MARK3: variants seen among roughly 807,000 people sequenced by gnomAD.
MARK3 encodes the protein MAP/microtubule affinity-regulating kinase 3.
MARK3 carries 46 observed loss-of-function variants against 90.1 expected under a neutral mutation model. That is an observed-to-expected ratio of 0.51 (90% confidence interval 0.40 to 0.65). MARK3 has a LOEUF of 0.65. Among genes scored for constraint, MARK3 ranks in the 30% least tolerant of loss-of-function variants. The pLI is 0.00. For missense variants in MARK3, 818 were observed against 947.2 expected, an observed-to-expected ratio of 0.86 and a Z score of 1.79; for synonymous variants, 321 against 332.6, an observed-to-expected ratio of 0.97 and a Z score of 0.38.
intron 1 of MARK3, among the ~76,000 whole-genome samples, chr14:103,389,527 C>CAAAAAAAAA (rs2090068219): frequency 5.2e-5 from 1 of 19,370 alleles, no homozygotes; most frequent in Non-Finnish European, 1.1e-4. Flanking sequence ...GACTCTGTCT[C>CAAAAAAAAA]CAAAAAAAAA....
chr14:103,390,031 G>A (rs1045771371), intron 1 of MARK3, among the ~76,000 whole-genome samples: 11 of 150,082 alleles, frequency 7.3e-5, no homozygotes, highest in African/African-American at 2.5e-4. Flanking sequence ...GGCAGATCAC[G>A]AGGTCAGGAG....
Position 103,466,458 on chromosome 14 carries a change from C to T in MARK3, c.997+16C>T, listed in dbSNP as rs370643720. On this transcript the variant is annotated intron_variant, in intron 10 of 17. Coordinates refer to ENST00000429436, the MANE Select transcript of MARK3 (RefSeq NM_001128918.3). ...AAAAGAATAGGTAATCACTCCATGCCTGCATGTTCATGTGTTTTTGTCTAA... is the reference window on the plus strand; with the variant it reads ...AAAAGAATAGGTAATCACTCCATGCTTGCATGTTCATGTGTTTTTGTCTAA... The T allele has an allele frequency of 1.4e-4, 208 of 1,514,922 alleles. No individual in the cohort carries two copies. Among genetic ancestry groups the T allele is most frequent in the Non-Finnish European group, 3.0e-5 (33 of 1,096,774 alleles). The allele number at this position is 1,514,922 out of a possible 1,614,324, so 93.8% of individuals were successfully genotyped here. A position where few individuals can be genotyped will look rare whatever the true frequency, so the allele number is the denominator to read the frequency against.
chr14:103,491,056 C>A (rs749845419), intron 14 of MARK3: 3 of 1,288,148 alleles, frequency 2.3e-6, no homozygotes, highest in South Asian at 2.5e-5. Flanking sequence ...TCTGGGCACC[C>A]CAAGATGATG....
chr14:103,412,079 T>A (rs1465402251), intron 2 of MARK3: 3 of 569,268 alleles, frequency 5.3e-6, no homozygotes, highest in Non-Finnish European at 8.0e-6. Flanking sequence ...TTGTTTTTTG[T>A]TTTTTTTACT....
chr14:103,399,699 CAAAAAAAAAAAAAGAAA>C (rs1318266786), intron 1 of MARK3, among the ~76,000 whole-genome samples: 1 of 84,334 alleles, frequency 1.2e-5, no homozygotes, highest in Non-Finnish European at 2.4e-5. Flanking sequence ...GACTCCATCT[CAAAAAAAAAAAAAGAAA>C]AAAAAAAAAA....
chr14:103,417,035 A>C (rs2091973150), intron 2 of MARK3, among the ~76,000 whole-genome samples: 1 of 152,194 alleles, frequency 6.6e-6, no homozygotes, highest in Non-Finnish European at 1.5e-5. Context: ...GGCAGCCTTA[A>C]GGCTTCCCTG....
chr14:103,431,848 C>A (rs1018419276), intron 3 of MARK3, among the ~76,000 whole-genome samples: 3 of 152,124 alleles, frequency 2.0e-5, no homozygotes, highest in Admixed American at 2.0e-4. Flanking sequence ...ATAACCAGCC[C>A]TTAGAAGTTG....
Position 103,405,172 on chromosome 14 carries a change from C to G in MARK3, c.148C>G (p.Gln50Glu). 1 of 1,601,200 alleles carries G rather than the reference C, an allele frequency of 6.2e-7. No individual in the cohort carries two copies. The highest frequency in any genetic ancestry group is 8.5e-7 in the Non-Finnish European group (1 of 1,176,608). ...RNSIASCADEQPHIGNYRLLK... is the reference protein window; with the variant it reads ...RNSIASCADEEPHIGNYRLLK... ...CTCTATAGCCTCCTGTGCAGATGAA[C>G]AACCTCACATCGGAAACTACAGACT... The change falls in exon 2 of 18, where the codon CAA becomes GAA. Residue 50 changes from glutamine (Q) to glutamate (E), a missense_variant. Gln to Glu is a conservative substitution (Grantham distance 29). Transcript: ENST00000429436.
intron 1 of MARK3, among the ~76,000 whole-genome samples, chr14:103,397,922 C>G (rs1218586255): frequency 2.6e-5 from 4 of 152,168 alleles, no homozygotes; most frequent in Admixed American, 2.6e-4. Context: ...TATGTCATTA[C>G]TCTTACCCTC....
At chr14:103,399,555 C>T (rs532785308) in intron 1 of MARK3, among the ~76,000 whole-genome samples, 5 of 151,922 alleles carry the variant, frequency 3.3e-5, no homozygotes, top group South Asian at 4.2e-4. Flanking sequence ...AAAAATTAGC[C>T]GGGCACGGTG....
chr14:103,471,617 C>T (rs529663803), intron 12 of MARK3, among the ~76,000 whole-genome samples: 1 of 152,228 alleles, frequency 6.6e-6, no homozygotes, highest in South Asian at 2.1e-4. Context: ...TTCCCTTTTC[C>T]TTGCCTGTGG....
intron 14 of MARK3, chr14:103,491,159 A>G: frequency 8.4e-7 from 1 of 1,186,380 alleles, no homozygotes; most frequent in Admixed American, 2.7e-5. Context: ...ACTGCTTCTT[A>G]ATTTTGTGCT....
At chr14:103,456,609 A>G (rs1304814079) in intron 5 of MARK3, among the ~76,000 whole-genome samples, 3 of 152,140 alleles carry the variant, frequency 2.0e-5, no homozygotes, top group Non-Finnish European at 4.4e-5. Context: ...CTGATACACT[A>G]TATGTTTATT....
intron 17 of MARK3, among the ~76,000 whole-genome samples, chr14:103,501,133 T>G (rs1218060831): frequency 6.6e-6 from 1 of 152,218 alleles, no homozygotes; most frequent in Non-Finnish European, 1.5e-5. Flanking sequence ...CCTTTCTGAA[T>G]TAAAACCTTC....
intron 5 of MARK3, 44 bp downstream of exon 5, chr14:103,452,027 T>C (rs2093159469): frequency 1.5e-6 from 2 of 1,359,552 alleles, no homozygotes; most frequent in Non-Finnish European, 1.0e-6. Flanking sequence ...TCTTTCTCCC[T>C]TTTAAAAAAA....
rs371096977 is a variant in MARK3 at position 103,386,967 on chromosome 14, T to G, written c.51+887T>G. Among the ~76,000 whole-genome samples, 12 of 152,376 alleles carry G rather than the reference T, an allele frequency of 7.9e-5. No individual in the cohort carries two copies. In the East Asian group the frequency reaches 2.3e-3, roughly 29 times the overall value. The stretch of plus-strand genomic sequence containing the variant: ...GAAGAAACGTTTGACTCTGTTCGTT[T>G]TCTAACTCTGTTCTCCTCTAACACT... On this transcript the variant is annotated intron_variant, in intron 1 of 17. Transcript: ENST00000429436.
chr14:103,468,071 A>G lies in MARK3; in HGVS notation c.1149A>G (p.Ser383=). Residue 383 remains serine (S), a synonymous_variant, in exon 12 of 18, where the codon TCA becomes TCG. Transcript: ENST00000429436. The stretch of plus-strand genomic sequence containing the variant: ...ATTCCAGTTCTAGCAGCAATCTTTC[A>G]CTTGCTAAGGTTAGGCCGAGCAGTG... The part of the protein sequence containing the change: ...ASDSSSSSNL[S]LAKVRPSSDL... The G allele has an allele frequency of 6.2e-7, 1 of 1,613,914 alleles. No homozygotes were observed. Among genetic ancestry groups the G allele is most frequent in the South Asian group, 1.1e-5 (1 of 91,056 alleles).
chr14:103,451,296 A>T (rs140414553), intron 4 of MARK3, among the ~76,000 whole-genome samples: 1 of 152,250 alleles, frequency 6.6e-6, no homozygotes, highest in African/African-American at 2.4e-5. Flanking sequence ...TTCCATCTGT[A>T]ACAAAAGACT....
In MARK3 at chr14:103,399,742, G is replaced by A. The variant is rs116916233; in HGVS notation, c.52-5334G>A. 1.0e-3 allele frequency among the ~76,000 whole-genome samples: 152 copies of A among 151,634 alleles called. 5 individuals are homozygous for A. In the East Asian group the frequency reaches 0.025, roughly 25 times the overall value. The stretch of plus-strand genomic sequence containing the variant: ...AAAAAAAAAAAGAAAGGAATTTGGA[G>A]GTATGCAGCGTCTAGCTTTGGATCA... On this transcript the variant is annotated intron_variant, in intron 1 of 17. Coordinates refer to ENST00000429436, the MANE Select transcript of MARK3 (RefSeq NM_001128918.3).
Sources: allele counts gnomAD v4.1 joint callset (sites outside exome capture counted in the v4.1 genomes callset), GRCh38; gene constraint gnomAD v4.1.1; transcripts MANE v1.5; gene names NCBI Gene and HGNC (gene_info 2026-07-23, HGNC 2026-07-21).